The following RBFOX1 variants were observed in gnomAD, a reference collection of about 807,000 sequenced individuals.
RBFOX1 encodes the protein RNA binding protein fox-1 homolog 1.
Under a neutral mutation model 57.7 loss-of-function variants are expected in RBFOX1, and 8 were observed. That is an observed-to-expected ratio of 0.14 (90% CI 0.08 to 0.25). The LOEUF (loss-of-function observed/expected upper bound fraction) is 0.25, where lower values mean the gene tolerates loss of function less well. Among genes scored for constraint, RBFOX1 ranks in the 10% least tolerant of loss-of-function variants. The pLI is 1.00. For synonymous variants in RBFOX1, 326 were observed against 222.4 expected (o/e 1.47, Z -4.15); for missense variants, 611 against 548.5 (o/e 1.11, Z -1.14).
At chr16:6,433,511 C>T (rs1325691980) in intron 2 of RBFOX1, among the ~76,000 whole-genome samples, 4 of 152,166 alleles carry the variant, frequency 2.6e-5, no homozygotes, top group Non-Finnish European at 5.9e-5. Context: ...CAGAATTTCC[C>T]ATTCCTCTGT....
intron 4 of RBFOX1, among the ~76,000 whole-genome samples, chr16:7,097,460 T>C (rs2061896744): frequency 6.6e-6 from 1 of 152,178 alleles, no homozygotes; most frequent in South Asian, 2.1e-4. Flanking sequence ...AGAAGAACCC[T>C]ACAGAGGAGG....
chr16:6,484,834 A>G (rs2095440550), intron 2 of RBFOX1, among the ~76,000 whole-genome samples: 2 of 152,224 alleles, frequency 1.3e-5, no homozygotes, highest in South Asian at 4.1e-4. Context: ...TTCACGTAGA[A>G]GAATTTACTC....
intron 2 of RBFOX1, among the ~76,000 whole-genome samples, chr16:6,592,667 T>A (rs2097727981): frequency 6.6e-6 from 1 of 152,130 alleles, no homozygotes; most frequent in African/African-American, 2.4e-5. Context: ...TGCTATCTGT[T>A]TAGTTTTGAA....
At chr16:7,576,488 T>C (rs1189628659) in intron 5 of RBFOX1, among the ~76,000 whole-genome samples, 2 of 152,222 alleles carry the variant, frequency 1.3e-5, no homozygotes, top group Admixed American at 1.3e-4. Context: ...CACTTTTGGC[T>C]TACTTTTTTA....
chr16:5,481,133 T>C (rs2069526736), intron 2 of RBFOX1, among the ~76,000 whole-genome samples: 1 of 152,240 alleles, frequency 6.6e-6, no homozygotes, highest in African/African-American at 2.4e-5. Flanking sequence ...TGCACTTAGA[T>C]TGATCTTCAC....
chr16:5,392,004 CATT>C (rs1332560139), intron 1 of RBFOX1, among the ~76,000 whole-genome samples: 1 of 151,896 alleles, frequency 6.6e-6, no homozygotes, highest in Non-Finnish European at 1.5e-5. Flanking sequence ...GAATTTGAGA[CATT>C]ATTCTAAGTG....
chr16:7,181,062 G>T (rs922542944), intron 4 of RBFOX1, among the ~76,000 whole-genome samples: 2 of 152,182 alleles, frequency 1.3e-5, no homozygotes, highest in Non-Finnish European at 2.9e-5. Flanking sequence ...AGGCTGATTT[G>T]GTCCACAGGC....
intron 3 of RBFOX1, among the ~76,000 whole-genome samples, chr16:5,781,885 A>C (rs906512120): frequency 2.0e-5 from 3 of 152,202 alleles, no homozygotes; most frequent in Non-Finnish European, 4.4e-5. Flanking sequence ...TGCTATAACG[A>C]AATGCCTGAG....
At chr16:6,786,009 T>C (rs1308527555) in intron 3 of RBFOX1, among the ~76,000 whole-genome samples, 1 of 152,132 alleles carries the variant, frequency 6.6e-6, no homozygotes, top group African/African-American at 2.4e-5. Context: ...AAACACCCCA[T>C]CTTGAGCTTA....
At chr16:5,619,861 C>G (rs1250635453) in intron 3 of RBFOX1, among the ~76,000 whole-genome samples, 2 of 152,130 alleles carry the variant, frequency 1.3e-5, no homozygotes, top group Admixed American at 1.3e-4. Context: ...TGGGGGCTCA[C>G]TTCCTTCTCC....
intron 2 of RBFOX1, among the ~76,000 whole-genome samples, chr16:6,652,444 C>G (rs1388684110): frequency 6.6e-6 from 1 of 151,448 alleles, no homozygotes; most frequent in East Asian, 1.9e-4. Flanking sequence ...TAGACTCCAT[C>G]TCAGGAAAGA....
intron 2 of RBFOX1, among the ~76,000 whole-genome samples, chr16:6,468,973 G>A (rs2095113301): frequency 6.6e-6 from 1 of 151,936 alleles, no homozygotes; most frequent in South Asian, 2.1e-4. Context: ...GGCCCATTGT[G>A]TGTTGTTTCC....
intron 3 of RBFOX1, among the ~76,000 whole-genome samples, chr16:5,809,856 C>G (rs2055358534): frequency 6.6e-6 from 1 of 152,074 alleles, no homozygotes; most frequent in South Asian, 2.1e-4. Context: ...AATCACGCTG[C>G]TATAAAGACA....
At chr16:6,742,850 A>G (rs948659710) in intron 3 of RBFOX1, among the ~76,000 whole-genome samples, 1 of 152,188 alleles carries the variant, frequency 6.6e-6, no homozygotes, top group African/African-American at 2.4e-5. Flanking sequence ...GTAGAACTAT[A>G]AAGGTACAGC....
At chr16:7,025,409 T>C (rs2040598224) in intron 3 of RBFOX1, among the ~76,000 whole-genome samples, 1 of 152,118 alleles carries the variant, frequency 6.6e-6, no homozygotes. Flanking sequence ...ATGACCTGTA[T>C]TTTGTGCTGA....
chr16:6,110,439 G>A (rs1434402364), intron 1 of RBFOX1, among the ~76,000 whole-genome samples: 1 of 152,086 alleles, frequency 6.6e-6, no homozygotes, highest in Non-Finnish European at 1.5e-5. Flanking sequence ...GCAGAATTCT[G>A]TATCCTGCAC....
intron 1 of RBFOX1, among the ~76,000 whole-genome samples, chr16:5,458,208 T>C (rs2068688380): frequency 6.6e-6 from 1 of 152,218 alleles, no homozygotes; most frequent in Non-Finnish European, 1.5e-5. Context: ...TGCTGGATAC[T>C]CTTTGCTTTG....
intron 1 of RBFOX1, among the ~76,000 whole-genome samples, chr16:6,057,271 T>C (rs1195501146): frequency 2.6e-5 from 4 of 152,252 alleles, no homozygotes; most frequent in Admixed American, 2.6e-4. Context: ...CTTTATGTTG[T>C]GGAGGAAATA....
rs142398454 is a variant in RBFOX1, at chr16:5,454,525, G to A, written c.220-12691G>A. On this transcript the variant is annotated intron_variant, in intron 1 of 2. Transcript: ENST00000585867. ...AAAGTAAATTGCCCTCTACAATGTG[G>A]GTGGGCTGTATCCAATCAGTTGAAG... Among the ~76,000 whole-genome samples the A allele has an allele frequency of 2.6e-5, 4 of 152,264 alleles. No homozygotes were observed. In the South Asian group the frequency reaches 6.2e-4, roughly 24 times the overall value.
Sources: allele counts gnomAD v4.1 joint callset (sites outside exome capture counted in the v4.1 genomes callset), GRCh38; gene constraint gnomAD v4.1.1; transcripts MANE v1.5; gene names NCBI Gene and HGNC (gene_info 2026-07-23, HGNC 2026-07-21).